ADGRL3: variants seen among roughly 807,000 people sequenced by gnomAD.
ADGRL3 encodes adhesion G protein-coupled receptor L3, also known as calcium-independent alpha-latrotoxin receptor 3.
In ADGRL3, 62 loss-of-function variants were observed where a neutral mutation model predicts 153.5. That is an observed-to-expected ratio of 0.40 (90% CI 0.33 to 0.50). ADGRL3 has a LOEUF of 0.50. Ranked by LOEUF, ADGRL3 falls within the 20% of genes least tolerant of loss-of-function variation. The pLI, the probability that ADGRL3 is intolerant of heterozygous loss-of-function variation, is 0.47. For synonymous variants in ADGRL3, 710 were observed against 672.5 expected (o/e 1.06, Z -0.86); for missense variants, 1,641 against 1,859.4 (o/e 0.88, Z 2.16).
intron 2 of ADGRL3, among the ~76,000 whole-genome samples, chr4:61,473,282 C>T (rs1202775498): frequency 1.3e-5 from 2 of 150,042 alleles, no homozygotes; most frequent in African/African-American, 4.9e-5. Flanking sequence ...AAAATATTTC[C>T]AAGAAAGATA....
intron 17 of ADGRL3, among the ~76,000 whole-genome samples, chr4:61,965,523 G>A (rs1171340367): frequency 6.6e-6 from 1 of 152,080 alleles, no homozygotes; most frequent in African/African-American, 2.4e-5. Flanking sequence ...GCCGAGGTGG[G>A]TGGATCACGA....
rs75865253 is a variant in ADGRL3 at position 61,848,636 on chromosome 4, C to T, written c.1480+34747C>T. ...ATCTTTTTGAGGGACACAATTCAACCCATATCACCCTGTATTCTAAATTTT... is the reference window on the plus strand; with the variant it reads ...ATCTTTTTGAGGGACACAATTCAACTCATATCACCCTGTATTCTAAATTTT... On this transcript the variant is annotated intron_variant, in intron 9 of 26. Transcript: ENST00000683033. Among the ~76,000 whole-genome samples the T allele has an allele frequency of 6.5e-3, 990 of 152,138 alleles. 9 individuals carry two copies. Among genetic ancestry groups the T allele is most frequent in the African/African-American group, 0.022 (932 of 41,506 alleles).
In ADGRL3 at chr4:61,749,240, G is replaced by C. The variant is rs1210334882; in HGVS notation, c.1399+15686G>C. Among the ~76,000 whole-genome samples the C allele has an allele frequency of 2.0e-5, 3 of 151,782 alleles. No individual in the cohort carries two copies. The East Asian group carries it at 5.8e-4, about 29-fold the overall frequency. On this transcript the variant is annotated intron_variant, in intron 8 of 26. Transcript: ENST00000683033. ...TGCTGGAGAGGATGTGGAGAAATAG[G>C]AACACTTTTACACTGTTGGTGGGAC...
intron 6 of ADGRL3, among the ~76,000 whole-genome samples, chr4:61,711,723 G>A (rs1561105933): frequency 6.6e-6 from 1 of 151,724 alleles, no homozygotes; most frequent in Non-Finnish European, 1.5e-5. Context: ...AACTGGTTTG[G>A]TTACAGTTAA....
chr4:61,517,286 T>A (rs1474591594), intron 3 of ADGRL3, 29 bp from the exon 4 acceptor site: 2 of 700,750 alleles, frequency 2.9e-6, no homozygotes. Flanking sequence ...TGAGCAGGGG[T>A]CTGATGGTGC....
intron 5 of ADGRL3, among the ~76,000 whole-genome samples, chr4:61,675,116 G>C (rs11938643): frequency 0.14 from 21,492 of 151,800 alleles, 1,936 homozygotes; most frequent in Non-Finnish European, 0.2. Flanking sequence ...CAAATTTAGG[G>C]ACTAAATAAA....
intron 21 of ADGRL3, among the ~76,000 whole-genome samples, chr4:62,024,929 CA>C (rs34456988): frequency 0.012 from 1,384 of 118,426 alleles, 16 homozygotes; most frequent in African/African-American, 0.043. Context: ...GACTCCGTCT[CA>C]AAAAAAAAAA....
At chr4:62,048,791 A>G (rs1366896087) in intron 25 of ADGRL3, among the ~76,000 whole-genome samples, 4 of 151,474 alleles carry the variant, frequency 2.6e-5, no homozygotes, top group African/African-American at 9.7e-5. Context: ...GGCCTCAAGC[A>G]GTCCGTCTGC....
At chr4:61,818,357 G>T (rs1182104408) in intron 9 of ADGRL3, among the ~76,000 whole-genome samples, 2 of 152,166 alleles carry the variant, frequency 1.3e-5, no homozygotes, top group Non-Finnish European at 1.5e-5. Context: ...GGTTGTCATG[G>T]TCTTGGGCAG....
chr4:61,358,596 C>CAAAAAAAAAAAAAAA (rs71211377), intron 1 of ADGRL3, among the ~76,000 whole-genome samples: 1 of 96,862 alleles, frequency 1.0e-5, no homozygotes, highest in Non-Finnish European at 2.0e-5. Flanking sequence ...GACTCCGTCT[C>CAAAAAAAAAAAAAAA]AAAAAAAAAA....
intron 24 of ADGRL3, among the ~76,000 whole-genome samples, chr4:62,043,004 T>C (rs1232848125): frequency 6.6e-6 from 1 of 152,098 alleles, no homozygotes; most frequent in Non-Finnish European, 1.5e-5. Flanking sequence ...CTTTTATGTT[T>C]TCCTTTGTTC....
chr4:61,212,933 T>A (rs1740810784), intron 1 of ADGRL3, among the ~76,000 whole-genome samples: 1 of 152,152 alleles, frequency 6.6e-6, no homozygotes, highest in African/African-American at 2.4e-5. Context: ...CTTATCTTGG[T>A]GAAATAGCCT....
chr4:61,687,978 A>G (rs35180306), intron 6 of ADGRL3, among the ~76,000 whole-genome samples: 1,600 of 152,196 alleles, frequency 0.011, 15 homozygotes, highest in Middle Eastern at 0.031. Context: ...CCCTCATGAT[A>G]CAAACATGAC....
At chr4:61,879,653 T>A (rs2098497778) in intron 9 of ADGRL3, among the ~76,000 whole-genome samples, 1 of 152,162 alleles carries the variant, frequency 6.6e-6, no homozygotes, top group Admixed American at 6.6e-5. Context: ...CTCCATATTC[T>A]TAAAAAGAAA....
chr4:61,277,025 C>A (rs561880844), intron 1 of ADGRL3, among the ~76,000 whole-genome samples: 8 of 152,074 alleles, frequency 5.3e-5, no homozygotes, highest in Non-Finnish European at 1.2e-4. Context: ...CCCCCTATTT[C>A]ATTTGTTTAT....
chr4:61,909,612 C>T lies in ADGRL3; in HGVS notation c.1940C>T (p.Thr647Ile). 1 of 1,613,478 alleles carries T rather than the reference C, an allele frequency of 6.2e-7. No homozygotes were observed. The highest frequency in any genetic ancestry group is 8.5e-7 in the Non-Finnish European group (1 of 1,179,744). ...ATTGCTAGAGAGCTGGCTGAACAGA[C>T]AAGAAATCACTTGAATGCTGGGGAC... ...ANIARELAEQTRNHLNAGDIT... is the reference protein window; with the variant it reads ...ANIARELAEQIRNHLNAGDIT... Residue 647 changes from threonine to isoleucine, a missense_variant, in exon 12 of 27, where the codon ACA (threonine) becomes ATA (isoleucine). Physicochemically the swap from Thr to Ile is moderately conservative, Grantham distance 89. Coordinates refer to ENST00000683033, the MANE Select transcript of ADGRL3 (RefSeq NM_001387552.1).
At chr4:61,557,929 C>T (rs1313863232) in intron 4 of ADGRL3, among the ~76,000 whole-genome samples, 1 of 151,416 alleles carries the variant, frequency 6.6e-6, no homozygotes, top group Non-Finnish European at 1.5e-5. Context: ...ACAACTCCAT[C>T]GAGGTCATGT....
At chr4:61,301,341 T>C (rs1226433321) in intron 1 of ADGRL3, among the ~76,000 whole-genome samples, 1 of 152,188 alleles carries the variant, frequency 6.6e-6, no homozygotes, top group Non-Finnish European at 1.5e-5. Flanking sequence ...ATTTAAAATA[T>C]CACTTTAAGA....
At chr4:61,439,843 T>C (rs1267324112) in intron 2 of ADGRL3, among the ~76,000 whole-genome samples, 1 of 152,160 alleles carries the variant, frequency 6.6e-6, no homozygotes, top group Non-Finnish European at 1.5e-5. Context: ...TCTCCTACAC[T>C]TGCCCTGTAA....
Sources: allele counts gnomAD v4.1 joint callset (sites outside exome capture counted in the v4.1 genomes callset), GRCh38; gene constraint gnomAD v4.1.1; transcripts MANE v1.5; gene names NCBI Gene and HGNC (gene_info 2026-07-23, HGNC 2026-07-21).